INTS2: variants seen among roughly 807,000 people sequenced by gnomAD.
INTS2 encodes the protein KIAA1287.
A neutral mutation model predicts 139.6 loss-of-function variants in INTS2; 57 were observed. The observed-to-expected ratio is 0.41, with a 90% CI of 0.33 to 0.51. The LOEUF (loss-of-function observed/expected upper bound fraction) is 0.51, where lower values mean the gene tolerates loss of function less well. INTS2 is among the 20% of genes least tolerant of loss of function. INTS2 has a pLI of 0.28. For missense variants in INTS2, 1,196 were observed against 1,436.7 expected, an observed-to-expected ratio of 0.83 and a Z score of 2.71; for synonymous variants, 473 against 493.4, an observed-to-expected ratio of 0.96 and a Z score of 0.55.
chr17:61,926,088 T>C (rs1015363377), intron 2 of INTS2, among the ~76,000 whole-genome samples: 2 of 152,088 alleles, frequency 1.3e-5, no homozygotes, highest in African/African-American at 2.4e-5. Context: ...TAGGGGAAGT[T>C]ACCCTACCTA....
In INTS2 at chr17:61,873,637, C is replaced by G. The variant is rs910841845; in HGVS notation, c.2583-1177G>C. ...TTAGATACTTAACATCATTTACATA[C>G]ACAGTTTGTTCTGATTCCTATTTCC... On this transcript the variant is annotated intron_variant, in intron 19 of 24. Coordinates refer to ENST00000251334, the MANE Select transcript of INTS2 (RefSeq NM_001351695.2). The surrounding 1 kb of genome is among the most constrained non-coding windows in gnomAD (Gnocchi z 4.0). 6.6e-6 allele frequency among the ~76,000 whole-genome samples: 1 copy of G among 152,140 alleles called. No homozygotes were observed. The highest frequency in any genetic ancestry group is 1.5e-5 in the Non-Finnish European group (1 of 68,026).
chr17:61,897,201 T>C lies in INTS2; in HGVS notation c.1494+268A>G, dbSNP rs543642291. ...CGTCACTTTAAAGAAAGAACAGACA[T>C]CAGAATATTAATAGTAGTATACTAG... On this transcript the variant is annotated intron_variant, in intron 11 of 24. Transcript: ENST00000251334. This position sits in a 1 kb window ranked among gnomAD's most constrained non-coding sequence, Gnocchi z 4.4. Among the ~76,000 whole-genome samples, 9 of 152,256 alleles carry C rather than the reference T, an allele frequency of 5.9e-5. No homozygotes were observed. The highest frequency in any genetic ancestry group is 1.2e-4 in the Non-Finnish European group (8 of 68,002).
Position 61,869,563 on chromosome 17 carries a change from T to C in INTS2, c.3030+174A>G. Reference sequence around the variant, plus strand: ...AGAATAGAGATTAAACTATCGAACATTTCATTAGGTTAAAAAAAAAAACAA... The same window carrying C: ...AGAATAGAGATTAAACTATCGAACACTTCATTAGGTTAAAAAAAAAAACAA... On this transcript the variant is annotated intron_variant, in intron 21 of 24. Transcript: ENST00000251334. The surrounding 1 kb of genome is among the most constrained non-coding windows in gnomAD (Gnocchi z 5.4). Among the ~76,000 whole-genome samples, 1 of 151,926 alleles carries C rather than the reference T, an allele frequency of 6.6e-6. No homozygotes were observed. The highest frequency in any genetic ancestry group is 1.9e-4 in the East Asian group (1 of 5,192).
Position 61,867,432 on chromosome 17 carries a change from T to G in INTS2, c.*125A>C, listed in dbSNP as rs556227231. ...AGTTCTAAACTATACTCATGTTGAATTGAATTGTTTTAGTGATTCCAAGAC... is the reference window on the plus strand; with the variant it reads ...AGTTCTAAACTATACTCATGTTGAAGTGAATTGTTTTAGTGATTCCAAGAC... On this transcript the variant is annotated 3_prime_UTR_variant, in exon 25 of 25. Coordinates refer to ENST00000251334, the MANE Select transcript of INTS2 (RefSeq NM_001351695.2). The surrounding 1 kb of genome is among the most constrained non-coding windows in gnomAD (Gnocchi z 5.6). 3.2e-5 allele frequency: 18 copies of G among 558,684 alleles called. 1 individual carries two copies. The South Asian group carries it at 5.1e-4, about 16-fold the overall frequency. The allele number at this position is 558,684 out of a possible 1,614,324, so 34.6% of individuals were successfully genotyped here.
rs534654479 is a variant in INTS2, at chr17:61,908,679, G to A, written c.955-1045C>T. Among the ~76,000 whole-genome samples, 4 of 152,180 alleles carry A rather than the reference G, an allele frequency of 2.6e-5. No individual in the cohort carries two copies. The South Asian group carries it at 8.3e-4, about 32-fold the overall frequency. On this transcript the variant is annotated intron_variant, in intron 7 of 24. Coordinates refer to ENST00000251334, the MANE Select transcript of INTS2 (RefSeq NM_001351695.2). ...AGACCTGCTTTAATAATAACAGTAA[G>A]TTCAAAGAATAAAGGTTTATTGAAT...
chr17:61,909,815 ATGTGTGTATG>A lies in INTS2; in HGVS notation c.954+1695_954+1704del, dbSNP rs1376866088. On this transcript the variant is annotated intron_variant, in intron 7 of 24. Transcript: ENST00000251334. The surrounding 1 kb of genome is among the most constrained non-coding windows in gnomAD (Gnocchi z 4.9). ...TATACATATATACGTGTGTGTGTACATGTGTGTATGTGTGTGTGTGTGTGTGTGTGTGTGT... is the reference window on the plus strand; with the variant it reads ...TATACATATATACGTGTGTGTGTACATGTGTGTGTGTGTGTGTGTGTGTGT... 2.0e-3 allele frequency among the ~76,000 whole-genome samples: 147 copies of A among 72,552 alleles called. No individual in the cohort carries two copies. The highest frequency in any genetic ancestry group is 6.4e-3 in the African/African-American group (133 of 20,658). 47.6% of individuals were successfully genotyped at this position (72,552 alleles called of 152,430 possible). A position where few individuals can be genotyped will look rare whatever the true frequency, so the allele number is the denominator to read the frequency against.
Position 61,881,140 on chromosome 17 carries a change from A to T in INTS2, c.2121T>A (p.Ala707=). 6.2e-7 allele frequency: 1 copy of T among 1,613,628 alleles called. No individual in the cohort carries two copies. The highest frequency in any genetic ancestry group is 8.5e-7 in the Non-Finnish European group (1 of 1,179,640). Reference sequence around the variant, plus strand: ...CAATACATAAATGTGGGTAGTTAGTAGCAAGGAGACGTAGTAAAGCTGAAT... The same window carrying T: ...CAATACATAAATGTGGGTAGTTAGTTGCAAGGAGACGTAGTAAAGCTGAAT... ...GLHSALLRLL[A]TNYPHLCIVD... is the part of the protein sequence containing the mutation. Residue 707 remains alanine (A), a synonymous_variant, in exon 17 of 25, where the codon GCT becomes GCA. Coordinates refer to ENST00000251334, the MANE Select transcript of INTS2 (RefSeq NM_001351695.2).
rs149849922 is a variant in INTS2 at position 61,903,819 on chromosome 17, T to C, written c.1307+641A>G. 3.4e-4 allele frequency among the ~76,000 whole-genome samples: 52 copies of C among 152,244 alleles called. 2 individuals carry two copies. The highest frequency in any genetic ancestry group is 1.2e-3 in the African/African-American group (48 of 41,542). ...AGAATGAGAGGATAGGAAGGACATG[T>C]ATGGATGTGTTTAGGACAGGGAGAA... On this transcript the variant is annotated intron_variant, in intron 9 of 24. Coordinates refer to ENST00000251334, the MANE Select transcript of INTS2 (RefSeq NM_001351695.2).
intron 9 of INTS2, among the ~76,000 whole-genome samples, chr17:61,899,713 C>G (rs751696124): frequency 3.5e-4 from 53 of 152,024 alleles, no homozygotes; most frequent in Middle Eastern, 3.4e-3. Context: ...CAGTTCAAGA[C>G]CAGCCTGAGC....
chr17:61,901,972 C>T (rs953291111), intron 9 of INTS2, among the ~76,000 whole-genome samples: 8 of 151,936 alleles, frequency 5.3e-5, no homozygotes, highest in African/African-American at 1.7e-4. Flanking sequence ...ATATCTTTGT[C>T]CTACTTTGAC....
In INTS2 at chr17:61,909,802, CGTGT is replaced by C. The variant is rs952777850; in HGVS notation, c.954+1714_954+1717del. Among the ~76,000 whole-genome samples the C allele has an allele frequency of 2.1e-5, 3 of 140,860 alleles. No homozygotes were observed. The highest frequency in any genetic ancestry group is 8.1e-5 in the African/African-American group (3 of 37,238). 92.4% of individuals were successfully genotyped at this position (140,860 alleles called of 152,430 possible). A position where few individuals can be genotyped will look rare whatever the true frequency, so the allele number is the denominator to read the frequency against. On this transcript the variant is annotated intron_variant, in intron 7 of 24. Coordinates refer to ENST00000251334, the MANE Select transcript of INTS2 (RefSeq NM_001351695.2). This position sits in a 1 kb window ranked among gnomAD's most constrained non-coding sequence, Gnocchi z 4.9. ...GTTTGTGTGTGTGTATACATATATACGTGTGTGTGTACATGTGTGTATGTGTGTG... is the reference window on the plus strand; with the variant it reads ...GTTTGTGTGTGTGTATACATATATACGTGTGTACATGTGTGTATGTGTGTG...
At position 61,875,610 on chromosome 17, in the gene INTS2, G is replaced by A. The variant is rs982626761; in HGVS notation, c.2457-572C>T. Among the ~76,000 whole-genome samples the A allele has an allele frequency of 6.6e-6, 1 of 152,094 alleles. No individual in the cohort carries two copies. The highest frequency in any genetic ancestry group is 2.4e-5 in the African/African-American group (1 of 41,402). The stretch of plus-strand genomic sequence containing the variant: ...TACAGAAGGTACTTGATCTTACAGT[G>A]AAGCCCAGGAATCCACCAGAGAACT... On this transcript the variant is annotated intron_variant, in intron 18 of 24. Coordinates refer to ENST00000251334, the MANE Select transcript of INTS2 (RefSeq NM_001351695.2). This position sits in a 1 kb window ranked among gnomAD's most constrained non-coding sequence, Gnocchi z 4.6.
In INTS2 at chr17:61,875,716, T is replaced by C. The variant is rs1448337726; in HGVS notation, c.2457-678A>G. 1.3e-5 allele frequency among the ~76,000 whole-genome samples: 2 copies of C among 151,640 alleles called. No individual in the cohort carries two copies. The highest frequency in any genetic ancestry group is 4.8e-5 in the African/African-American group (2 of 41,238). ...TTTTACTTTGAAAAAGATTAAAATA[T>C]ACAAACAGAAAAAAAGGAACTCCAA... On this transcript the variant is annotated intron_variant, in intron 18 of 24. Coordinates refer to ENST00000251334, the MANE Select transcript of INTS2 (RefSeq NM_001351695.2). This position sits in a 1 kb window ranked among gnomAD's most constrained non-coding sequence, Gnocchi z 4.6.
In INTS2 at chr17:61,875,800, ATAAAG is replaced by A. The variant is rs2079122240; in HGVS notation, c.2457-767_2457-763del. 6.6e-6 allele frequency among the ~76,000 whole-genome samples: 1 copy of A among 152,232 alleles called. No individual in the cohort carries two copies. Among genetic ancestry groups the A allele is most frequent in the Non-Finnish European group, 1.5e-5 (1 of 68,044 alleles). ...TTCGAACTATTAATATCCTAAAAGA[ATAAAG>A]TATTTTATACATGAAACAAGAACAA... On this transcript the variant is annotated intron_variant, in intron 18 of 24. Transcript: ENST00000251334. The surrounding 1 kb of genome is among the most constrained non-coding windows in gnomAD (Gnocchi z 4.6).
At position 61,869,801 on chromosome 17, in the gene INTS2, A is replaced by T; in HGVS notation, c.2966T>A (p.Ile989Asn). ...LCNLREVQCL[I>N]CCLLHQMYIA... is the part of the protein sequence containing the mutation. ...GTACATTTGGTGCAAGAGACAACAG[A>T]TAAGGCACTGAACTTCTCGAAGGTT... The change falls in exon 21 of 25, where the codon ATC becomes AAC. Residue 989 changes from isoleucine to asparagine, a missense_variant. Ile to Asn is a moderately radical substitution (Grantham distance 149). Coordinates refer to ENST00000251334, the MANE Select transcript of INTS2 (RefSeq NM_001351695.2). The surrounding 1 kb of genome is among the most constrained non-coding windows in gnomAD (Gnocchi z 5.4). The T allele has an allele frequency of 6.2e-7, 1 of 1,613,902 alleles. No individual in the cohort carries two copies. The highest frequency in any genetic ancestry group is 8.5e-7 in the Non-Finnish European group (1 of 1,179,792).
intron 17 of INTS2, among the ~76,000 whole-genome samples, chr17:61,880,660 G>T (rs895657276): frequency 1.8e-4 from 28 of 152,172 alleles, no homozygotes; most frequent in African/African-American, 6.5e-4. Flanking sequence ...ACTCAGGTAG[G>T]AGGACTGCTT....
At position 61,874,925 on chromosome 17, in the gene INTS2, T is replaced by A. The variant is rs539908561; in HGVS notation, c.2570A>T (p.Gln857Leu). 1 of 1,591,134 alleles carries A rather than the reference T, an allele frequency of 6.3e-7. No homozygotes were observed. Among genetic ancestry groups the A allele is most frequent in the South Asian group, 1.2e-5 (1 of 86,892 alleles). Residue 857 changes from glutamine (Q) to leucine (L), a missense_variant, in exon 19 of 25, where the codon CAG (glutamine) becomes CTG (leucine). By Grantham distance (113) the Gln-to-Leu change is moderately radical. This residue lies in a region of INTS2 where 1,129 missense variants were observed against 1,341.9 expected (regional missense o/e 0.84). Transcript: ENST00000251334. ...IDPLIVLRCD[Q>L]RVHRCPPLMD... ...AAATGACATGTACCTGTGAACCCTC[T>A]GATCACACCTTAGGACAATGAGAGG... is the stretch of plus-strand genomic sequence containing the variant.
Position 61,911,648 on chromosome 17 carries a change from C to T in INTS2, c.826G>A (p.Asp276Asn), listed in dbSNP as rs756747775. Residue 276 changes from aspartate (D) to asparagine (N), a missense_variant, in exon 7 of 25, where the codon GAT (aspartate) becomes AAT (asparagine). By Grantham distance (23) the Asp-to-Asn change is conservative (BLOSUM62 1). Coordinates refer to ENST00000251334, the MANE Select transcript of INTS2 (RefSeq NM_001351695.2). The stretch of plus-strand genomic sequence containing the variant: ...TCACAAGCTTCATTTTTAGTATGAT[C>T]CAATGTCAAAGCCACACCAAGGCCT... ...LPGLGVALTLDHTKNEACEDG... is the reference protein window; with the variant it reads ...LPGLGVALTLNHTKNEACEDG... 1 of 1,613,806 alleles carries T rather than the reference C, an allele frequency of 6.2e-7. No homozygotes were observed. The highest frequency in any genetic ancestry group is 2.2e-5 in the East Asian group (1 of 44,880).
chr17:61,883,738 G>A (rs1284205997), intron 16 of INTS2, among the ~76,000 whole-genome samples: 2 of 148,292 alleles, frequency 1.3e-5, no homozygotes, highest in Non-Finnish European at 3.0e-5. Context: ...TGAGACAAGA[G>A]CGAAACTCCG....
Sources: gnomAD v4.1 joint callset for allele counts (sites outside exome capture counted in the v4.1 genomes callset) on GRCh38, gnomAD v4.1.1 for gene constraint, gnomAD v4.1.1 regional missense constraint, Gnocchi (gnomAD v3.1) non-coding constraint, MANE v1.5 for transcripts, NCBI Gene and HGNC (gene_info 2026-07-23, HGNC 2026-07-21) for gene names.